The following LY75 variants were observed in gnomAD, a reference collection of about 807,000 sequenced individuals.
The protein encoded by LY75 is C-type lectin domain family 13 member B.
A neutral mutation model predicts 231.7 loss-of-function variants in LY75; 185 were observed. The observed-to-expected ratio is 0.80, with a 90% CI of 0.71 to 0.90. The LOEUF (loss-of-function observed/expected upper bound fraction) is 0.90, where lower values mean the gene tolerates loss of function less well. Ranked by LOEUF, LY75 falls within the 40% of genes least tolerant of loss-of-function variation. The pLI is 0.00. For synonymous variants in LY75, 668 were observed against 689.0 expected (o/e 0.97, Z 0.48); for missense variants, 1,947 against 2,050.2 (o/e 0.95, Z 0.97).
chr2:159,881,332 G>A (rs998952121), intron 7 of LY75, 92 bp from the exon 8 acceptor site: 14 of 1,393,008 alleles, frequency 1.0e-5, no homozygotes, highest in Non-Finnish European at 1.3e-5. Context: ...CTGATATGGA[G>A]TTTTAAGAGC....
At chr2:159,877,009 C>CAAAAAAAAAAAAAAAAAAAAAAA (rs58831835) in intron 11 of LY75, among the ~76,000 whole-genome samples, 6 of 90,524 alleles carry the variant, frequency 6.6e-5, no homozygotes, top group Non-Finnish European at 6.1e-5. Flanking sequence ...AACTCCATCT[C>CAAAAAAAAAAAAAAAAAAAAAAA]AAAAAAAAAA....
intron 12 of LY75, among the ~76,000 whole-genome samples, chr2:159,874,902 CATAT>C (rs1399303851): frequency 2.6e-5 from 3 of 117,386 alleles, no homozygotes; most frequent in Non-Finnish European, 3.4e-5. Flanking sequence ...AATATATAAA[CATAT>C]ATATTTTATA....
chr2:159,829,314 C>A (rs1433575703), intron 28 of LY75, among the ~76,000 whole-genome samples: 1 of 152,162 alleles, frequency 6.6e-6, no homozygotes, highest in African/African-American at 2.4e-5. Context: ...TTCTCCTAAA[C>A]TTCAAAGTTA....
intron 14 of LY75, 163 bp from the exon 15 acceptor site, chr2:159,861,052 T>A: frequency 8.7e-6 from 2 of 230,672 alleles, no homozygotes; most frequent in Non-Finnish European, 1.4e-5. Context: ...TGAGAGGACT[T>A]AGCAAATGTC....
chr2:159,810,654 G>A lies in LY75; in HGVS notation c.4571C>T (p.Thr1524Ile), dbSNP rs1682932262. ...TGCTGCTGGACATCTTGATGAATATGTAAGACGGGACAGCTTTTTAGCTAT... is the reference window on the plus strand; with the variant it reads ...TGCTGCTGGACATCTTGATGAATATATAAGACGGGACAGCTTTTTAGCTAT... ...PTKSKKLSRL[T>I]YSSRCPAAKE... Residue 1524 changes from threonine (T) to isoleucine (I), a missense_variant, in exon 32 of 35, where the codon ACA becomes ATA. By Grantham distance (89) the Thr-to-Ile change is moderately conservative. Coordinates refer to ENST00000263636, the MANE Select transcript of LY75 (RefSeq NM_002349.4). 3 of 1,613,550 alleles carry A rather than the reference G, an allele frequency of 1.9e-6. No individual in the cohort carries two copies. Among genetic ancestry groups the A allele is most frequent in the Non-Finnish European group, 2.5e-6 (3 of 1,179,812 alleles).
intron 28 of LY75, among the ~76,000 whole-genome samples, chr2:159,822,308 T>C (rs1683321537): frequency 6.6e-6 from 1 of 152,204 alleles, no homozygotes; most frequent in Non-Finnish European, 1.5e-5. Flanking sequence ...GCTGCCAGCA[T>C]AGCAGCAGTC....
rs1335768150 is a variant in LY75, at chr2:159,861,780, T to A, written c.2200-891A>T. On this transcript the variant is annotated intron_variant, in intron 14 of 34. Coordinates refer to ENST00000263636, the MANE Select transcript of LY75 (RefSeq NM_002349.4). ...AGAAAAAGATATTTTATTTTTTGTATAACTCTTCCATATTTAGATAATAAA... is the reference window on the plus strand; with the variant it reads ...AGAAAAAGATATTTTATTTTTTGTAAAACTCTTCCATATTTAGATAATAAA... Among the ~76,000 whole-genome samples, 4 of 152,158 alleles carry A rather than the reference T, an allele frequency of 2.6e-5. No individual in the cohort carries two copies. In the South Asian group the frequency reaches 8.3e-4, roughly 32 times the overall value.
At position 159,898,980 on chromosome 2, in the gene LY75, G is replaced by A. The variant is rs368908063; in HGVS notation, c.174C>T (p.Asp58=). 4.3e-5 allele frequency: 70 copies of A among 1,614,106 alleles called. No homozygotes were observed. Among genetic ancestry groups the A allele is most frequent in the Non-Finnish European group, 5.9e-5 (70 of 1,180,050 alleles). The part of the protein sequence containing the change: ...KPVYGWIVAD[D]CDETEDKLWK... The stretch of plus-strand genomic sequence containing the variant: ...ATAACTTGTCCTCAGTTTCATCACA[G>A]TCGTCTGCTACTATCCAGCCATACA... Residue 58 remains aspartate (D), a synonymous_variant, in exon 2 of 35, where the codon GAC becomes GAT. Coordinates refer to ENST00000263636, the MANE Select transcript of LY75 (RefSeq NM_002349.4).
intron 1 of LY75, chr2:159,903,176 G>A (rs191740178): frequency 6.6e-6 from 1 of 152,344 alleles, no homozygotes; most frequent in Non-Finnish European, 1.5e-5. Context: ...GGGGAACAGA[G>A]TTAAACCTGG....
chr2:159,816,704 A>C lies in LY75; in HGVS notation c.4380+102T>G, dbSNP rs1683127995. On this transcript the variant is annotated intron_variant, in intron 30 of 34. Coordinates refer to ENST00000263636, the MANE Select transcript of LY75 (RefSeq NM_002349.4). ...CATGCTATGCAAGCGGAGTCCCAGT[A>C]CTTCATCTAATGTTGTACTTTGTGT... The C allele has an allele frequency of 4.0e-6, 6 of 1,498,222 alleles. No homozygotes were observed. The South Asian group carries it at 6.6e-5, about 17-fold the overall frequency. 92.8% of individuals were successfully genotyped at this position (1,498,222 alleles called of 1,614,324 possible).
At chr2:159,849,861 A>T in intron 23 of LY75, 119 bp downstream of exon 23, 1 of 1,334,322 alleles carries the variant, frequency 7.5e-7, no homozygotes, top group South Asian at 1.5e-5. Flanking sequence ...AGATGTGCCT[A>T]TTCTGGACAT....
At chr2:159,900,573 A>C (rs1282642036) in intron 1 of LY75, among the ~76,000 whole-genome samples, 1 of 152,220 alleles carries the variant, frequency 6.6e-6, no homozygotes. Flanking sequence ...TAATAATTCA[A>C]AGGCTTTCAG....
Position 159,821,487 on chromosome 2 carries a change from T to C in LY75, c.3959-1567A>G, listed in dbSNP as rs60264981. 2.7e-3 allele frequency among the ~76,000 whole-genome samples: 401 copies of C among 151,156 alleles called. 1 individual carries two copies. The highest frequency in any genetic ancestry group is 9.1e-3 in the African/African-American group (377 of 41,228). On this transcript the variant is annotated intron_variant, in intron 28 of 34. Transcript: ENST00000263636. ...AAAAATTAGCTGGGCGTGGTGGCGG[T>C]TGTCTGTAATACCAGGTACTCAGAA...
In LY75 at chr2:159,864,925, G is replaced by A; in HGVS notation, c.2118-5C>T. ...ATCCACAGCCAATGCTGGCCACTAT[G>A]TAAAAAGCAAGTGTTAAAAATACAG... On this transcript the variant is annotated splice_polypyrimidine_tract_variant and splice_region_variant and intron_variant, in intron 13 of 34. Coordinates refer to ENST00000263636, the MANE Select transcript of LY75 (RefSeq NM_002349.4). 2 of 1,594,062 alleles carry A rather than the reference G, an allele frequency of 1.3e-6. No homozygotes were observed. Among genetic ancestry groups the A allele is most frequent in the African/African-American group, 1.3e-5 (1 of 74,094 alleles).
In LY75 at chr2:159,803,397, C is replaced by T. The variant is rs763577006; in HGVS notation, c.*1647G>A. On this transcript the variant is annotated 3_prime_UTR_variant, in exon 35 of 35. Coordinates refer to ENST00000263636, the MANE Select transcript of LY75 (RefSeq NM_002349.4). ...AGATAAAACAACTTTATTATGACAT[C>T]ACCATTATATACAGCTGTGCTTTTC... 3 of 152,066 alleles carry T rather than the reference C, an allele frequency of 2.0e-5. No individual in the cohort carries two copies. The highest frequency in any genetic ancestry group is 4.4e-5 in the Non-Finnish European group (3 of 68,034). The allele number at this position is 152,066 out of a possible 1,614,324, so 9.4% of individuals were successfully genotyped here.
chr2:159,883,231 T>C (rs1685491323), intron 6 of LY75, among the ~76,000 whole-genome samples: 1 of 151,030 alleles, frequency 6.6e-6, no homozygotes, highest in Admixed American at 6.6e-5. Context: ...CGTATACATA[T>C]GTAACTAACC....
chr2:159,816,799 G>T lies in LY75; in HGVS notation c.4380+7C>A, dbSNP rs940229804. ...GAAAAGTTTCTGGAAAACGAAGCAA[G>T]ACTTACATCATGACTTGAGAGCCCA... On this transcript the variant is annotated splice_region_variant and intron_variant, in intron 30 of 34. Transcript: ENST00000263636. 1.2e-6 allele frequency: 2 copies of T among 1,611,912 alleles called. No homozygotes were observed. Among genetic ancestry groups the T allele is most frequent in the Non-Finnish European group, 1.7e-6 (2 of 1,178,550 alleles).
In LY75 at chr2:159,840,845, A is replaced by C. The variant is rs936507892; in HGVS notation, c.3391T>G (p.Cys1131Gly). ...ACCAGCTGCATGTTACTTTTCAGAC[A>C]CTCCCTTTTAGCACTGTGCCAAGTC... Reference protein sequence around the residue: ...TLTWHSAKRECLKSNMQLVSI... With the variant: ...TLTWHSAKREGLKSNMQLVSI... Residue 1131 changes from cysteine (C) to glycine (G), a missense_variant, in exon 25 of 35, where the codon TGT (cysteine) becomes GGT (glycine). Transcript: ENST00000263636. The C allele has an allele frequency of 6.2e-7, 1 of 1,613,632 alleles. No homozygotes were observed. The highest frequency in any genetic ancestry group is 8.5e-7 in the Non-Finnish European group (1 of 1,179,940).
At chr2:159,842,399 A>G (rs1168560679) in intron 23 of LY75, 25 bp from the exon 24 acceptor site, 1 of 1,596,966 alleles carries the variant, frequency 6.3e-7, no homozygotes, top group South Asian at 1.1e-5. Context: ...AAATACATAC[A>G]TGCAATCATG....
Sources: gnomAD v4.1 joint callset for allele counts (sites outside exome capture counted in the v4.1 genomes callset) on GRCh38, gnomAD v4.1.1 for gene constraint, MANE v1.5 for transcripts, NCBI Gene and HGNC (gene_info 2026-07-23, HGNC 2026-07-21) for gene names.